The following HAPSTR1 variants were observed in gnomAD, a reference collection of about 807,000 sequenced individuals.
The protein encoded by HAPSTR1 is HUWE1 associated protein modifying stress responses.
the HAPSTR1 span, among the ~76,000 whole-genome samples, chr16:9,096,631 A>G: frequency 6.6e-6 from 1 of 152,160 alleles, no homozygotes; most frequent in Non-Finnish European, 1.5e-5. Flanking sequence ...CTACCTGGAG[A>G]CTGGTGGAGC....
the HAPSTR1 span, chr16:9,109,478 A>G: frequency 6.6e-6 from 1 of 152,202 alleles, no homozygotes; most frequent in African/African-American, 2.4e-5. Flanking sequence ...TAAAAGTCAG[A>G]CACTTGGTTT....
At chr16:9,104,595 G>A in the HAPSTR1 span, 1 of 152,144 alleles carries the variant, frequency 6.6e-6, no homozygotes, top group Non-Finnish European at 1.5e-5. Context: ...CCCCAATGTT[G>A]TTTTTTCCCT....
At chr16:9,103,365 C>A in the HAPSTR1 span, 4 of 1,174,830 alleles carry the variant, frequency 3.4e-6, no homozygotes, top group Admixed American at 2.9e-5. Context: ...TTTTGTCTTA[C>A]AGTAAACAGC....
chr16:9,097,789 C>T, the HAPSTR1 span, among the ~76,000 whole-genome samples: 1 of 152,182 alleles, frequency 6.6e-6, no homozygotes, highest in Non-Finnish European at 1.5e-5. Flanking sequence ...CTCAGTAAAG[C>T]TTAGAAGAGC....
the HAPSTR1 span, chr16:9,109,658 C>T: frequency 6.6e-6 from 1 of 152,100 alleles, no homozygotes; most frequent in Non-Finnish European, 1.5e-5. Context: ...ACTGTCATTG[C>T]CTTTTTTGGC....
At chr16:9,104,968 T>A in the HAPSTR1 span, 13 of 152,348 alleles carry the variant, frequency 8.5e-5, no homozygotes, top group African/African-American at 3.1e-4. Flanking sequence ...TTACTCTGTT[T>A]TACTGTTATA....
chr16:9,118,247 A>G, the HAPSTR1 span: 1 of 152,624 alleles, frequency 6.6e-6, no homozygotes, highest in African/African-American at 2.4e-5. Flanking sequence ...TAGGACAGTG[A>G]AAAATGTTTC....
the HAPSTR1 span, among the ~76,000 whole-genome samples, chr16:9,116,398 T>C: frequency 1.3e-5 from 2 of 152,222 alleles, no homozygotes; most frequent in Admixed American, 1.3e-4. Context: ...TAATGAGATA[T>C]TTGTACACCT....
the HAPSTR1 span, chr16:9,108,516 T>G: frequency 3.9e-5 from 6 of 152,168 alleles, no homozygotes; most frequent in Admixed American, 3.9e-4. Flanking sequence ...CACTATGCTC[T>G]CACATTTTTA....
chr16:9,119,478 C>G, the HAPSTR1 span: 1 of 152,258 alleles, frequency 6.6e-6, no homozygotes, highest in African/African-American at 2.4e-5. Flanking sequence ...AGTTCTGCTC[C>G]TGTCGCCCTA....
chr16:9,096,540 A>G, the HAPSTR1 span, among the ~76,000 whole-genome samples: 1 of 152,192 alleles, frequency 6.6e-6, no homozygotes, highest in Non-Finnish European at 1.5e-5. Flanking sequence ...GGACTCGTAC[A>G]CTAAAGGAGA....
chr16:9,098,855 G>A, the HAPSTR1 span, among the ~76,000 whole-genome samples: 1 of 152,174 alleles, frequency 6.6e-6, no homozygotes, highest in African/African-American at 2.4e-5. Flanking sequence ...AGGTCACAGA[G>A]GGAACTCTGT....
chr16:9,110,220 T>C, the HAPSTR1 span: 1 of 151,414 alleles, frequency 6.6e-6, no homozygotes, highest in African/African-American at 2.4e-5. Context: ...CTTCTTATTC[T>C]CTTAAATCAT....
At chr16:9,093,853 T>G in the HAPSTR1 span, among the ~76,000 whole-genome samples, 1 of 152,080 alleles carries the variant, frequency 6.6e-6, no homozygotes, top group Non-Finnish European at 1.5e-5. Context: ...TTTTTTTTTT[T>G]GGCAAGATTT....
chr16:9,113,654 G>A, the HAPSTR1 span, among the ~76,000 whole-genome samples: 1 of 152,102 alleles, frequency 6.6e-6, no homozygotes, highest in Non-Finnish European at 1.5e-5. Flanking sequence ...ATTGCTGAAC[G>A]TGCCCATATT....
At chr16:9,096,535 C>G in the HAPSTR1 span, among the ~76,000 whole-genome samples, 3 of 152,138 alleles carry the variant, frequency 2.0e-5, no homozygotes, top group Non-Finnish European at 4.4e-5. Context: ...ATTTTGGACT[C>G]GTACACTAAA....
chr16:9,103,584 A>G, the HAPSTR1 span: 65 of 224,528 alleles, frequency 2.9e-4, no homozygotes, highest in African/African-American at 1.5e-3. Context: ...TCAAAGAGGA[A>G]GTTCTTGTGT....
At chr16:9,116,949 A>G in the HAPSTR1 span, 1 of 1,608,986 alleles carries the variant, frequency 6.2e-7, no homozygotes, top group Non-Finnish European at 8.5e-7. Context: ...GCTGCTTGAA[A>G]GCCACTTGAT....
the HAPSTR1 span, chr16:9,092,017 G>C: frequency 1.4e-4 from 213 of 1,479,028 alleles, no homozygotes; most frequent in Non-Finnish European, 1.6e-4. Flanking sequence ...GGCGGCGGTG[G>C]CGGCGAGGCC....
Sources: gnomAD v4.1 joint callset for allele counts (sites outside exome capture counted in the v4.1 genomes callset) on GRCh38, gnomAD v4.1.1 for gene constraint, MANE v1.5 for transcripts, NCBI Gene and HGNC (gene_info 2026-07-23, HGNC 2026-07-21) for gene names.